Variants in DNAAF1 observed in about 807,000 individuals in gnomAD.
DNAAF1 encodes dynein axonemal assembly factor 1.
Under a neutral mutation model 71.1 loss-of-function variants are expected in DNAAF1, and 65 were observed. The observed-to-expected ratio is 0.91, with a 90% CI of 0.75 to 1.12. DNAAF1 has a LOEUF of 1.12. DNAAF1 is among the 50% of genes most tolerant of loss of function. The probability of loss-of-function intolerance (pLI) is 0.00; values close to 1 mark genes in which losing one functional copy is unlikely to be tolerated. For synonymous variants in DNAAF1, 414 were observed against 354.6 expected (o/e 1.17, Z -1.88); for missense variants, 1,178 against 899.8 (o/e 1.31, Z -3.96).
chr16:84,164,835 C>G (rs566508845), intron 6 of DNAAF1, among the ~76,000 whole-genome samples: 2 of 152,170 alleles, frequency 1.3e-5, no homozygotes, highest in Non-Finnish European at 2.9e-5. Flanking sequence ...CCGTAAGAAT[C>G]CGCCACACCA....
At chr16:84,167,013 A>C (rs1008907068) in intron 7 of DNAAF1, among the ~76,000 whole-genome samples, 4 of 152,050 alleles carry the variant, frequency 2.6e-5, no homozygotes, top group Non-Finnish European at 5.9e-5. Context: ...AGTGATGGGC[A>C]ATGGTCTCGC....
chr16:84,148,596 C>CTCTCTTTTT, intron 1 of DNAAF1, among the ~76,000 whole-genome samples: 1 of 43,578 alleles, frequency 2.3e-5, no homozygotes, highest in African/African-American at 9.2e-5. Flanking sequence ...CTCTCTCTCT[C>CTCTCTTTTT]TTTTTTTTTT....
chr16:84,174,550 G>C, intron 9 of DNAAF1, 119 bp from the exon 10 acceptor site: 4 of 1,589,342 alleles, frequency 2.5e-6, no homozygotes, highest in Non-Finnish European at 3.4e-6. Context: ...AGTCACCTGA[G>C]TGATTTGAGT....
chr16:84,173,583 C>T (rs2088494668), intron 9 of DNAAF1: 1 of 978,300 alleles, frequency 1.0e-6, no homozygotes, highest in African/African-American at 1.8e-5. Context: ...CCTGTAATCC[C>T]AGCACTTTGG....
chr16:84,170,497 T>C (rs2088273386), intron 8 of DNAAF1, 141 bp downstream of exon 8: 5 of 1,368,442 alleles, frequency 3.7e-6, no homozygotes, highest in African/African-American at 2.9e-5. Flanking sequence ...ACACTAGTTA[T>C]CTTGTTTTCT....
intron 3 of DNAAF1, among the ~76,000 whole-genome samples, chr16:84,153,556 C>T (rs1247049394): frequency 2.0e-5 from 3 of 152,174 alleles, no homozygotes; most frequent in East Asian, 1.9e-4. Flanking sequence ...AAAATGAAAA[C>T]GGATTATCTG....
In DNAAF1 at chr16:84,170,364, G is replaced by A; in HGVS notation, c.1528+8G>A. The A allele has an allele frequency of 1.2e-6, 2 of 1,613,616 alleles. No homozygotes were observed. Among genetic ancestry groups the A allele is most frequent in the African/African-American group, 2.7e-5 (2 of 75,060 alleles). ...TGGGAGCTGCCAGGGAAGGTAATGT[G>A]AGCGGAGAAACACACACAGACACAC... On this transcript the variant is annotated splice_region_variant and intron_variant, in intron 8 of 11. Transcript: ENST00000378553.
chr16:84,162,768 A>C (rs555730890), intron 6 of DNAAF1, among the ~76,000 whole-genome samples: 1 of 152,048 alleles, frequency 6.6e-6, no homozygotes, highest in Non-Finnish European at 1.5e-5. Context: ...GTAGTGAGCC[A>C]AGATCACGCC....
chr16:84,168,404 C>T (rs544992081), intron 7 of DNAAF1, among the ~76,000 whole-genome samples: 1 of 152,294 alleles, frequency 6.6e-6, no homozygotes, highest in South Asian at 2.1e-4. Context: ...GTAACGTATT[C>T]ATATTCTGAC....
chr16:84,173,163 A>G (rs2088456411), intron 9 of DNAAF1: 17 of 985,948 alleles, frequency 1.7e-5, no homozygotes, highest in Admixed American at 6.1e-5. Context: ...CACATGGCCC[A>G]GTAGGAGTTA....
Position 84,145,872 on chromosome 16 carries a change from T to A in DNAAF1, c.124+308T>A, listed in dbSNP as rs903019693. ...ACTTTGGGAGGCCGAGGCGGGCGGA[T>A]CATCAGGTCAGTCAGGAGTTCGAGA... is the stretch of plus-strand genomic sequence containing the variant. On this transcript the variant is annotated intron_variant, in intron 1 of 11. Coordinates refer to ENST00000378553, the MANE Select transcript of DNAAF1 (RefSeq NM_178452.6). 3.3e-5 allele frequency among the ~76,000 whole-genome samples: 5 copies of A among 151,970 alleles called. 1 individual carries two copies. The highest frequency in any genetic ancestry group is 7.4e-5 in the Non-Finnish European group (5 of 67,968).
intron 5 of DNAAF1, chr16:84,159,215 A>AGCGG: frequency 9.6e-7 from 1 of 1,036,696 alleles, no homozygotes; most frequent in Non-Finnish European, 1.2e-6. Flanking sequence ...AGCAGAGGTA[A>AGCGG]GCGGGCACTC....
intron 11 of DNAAF1, 164 bp downstream of exon 11, chr16:84,176,463 A>C: frequency 4.4e-6 from 5 of 1,143,742 alleles, no homozygotes; most frequent in South Asian, 1.4e-5. Context: ...TCCTGAGTTC[A>C]CGGGTCTGAA....
At chr16:84,174,859 C>CT (rs2088569465) in intron 10 of DNAAF1, 137 bp downstream of exon 10, 25 of 1,125,758 alleles carry the variant, frequency 2.2e-5, no homozygotes, top group African/African-American at 3.1e-5. Flanking sequence ...TATTCTTTTT[C>CT]TTTTCTTTTC....
At position 84,176,184 on chromosome 16, in the gene DNAAF1, C is replaced by T. The variant is rs2088643305; in HGVS notation, c.1950C>T (p.Leu650=). The T allele has an allele frequency of 1.2e-6, 2 of 1,613,902 alleles. No individual in the cohort carries two copies. The highest frequency in any genetic ancestry group is 1.7e-5 in the Admixed American group (1 of 60,004). Residue 650 remains leucine, a synonymous_variant, in exon 11 of 12, where the codon CTC becomes CTT. Coordinates refer to ENST00000378553, the MANE Select transcript of DNAAF1 (RefSeq NM_178452.6). The part of the protein sequence containing the change: ...TKSPRPLIQE[L]SDEDPSGQLL... ...CCCCAAGACCCCTGATCCAGGAGCTCAGCGACGAGGACCCCTCTGGCCAGC... is the reference window on the plus strand; with the variant it reads ...CCCCAAGACCCCTGATCCAGGAGCTTAGCGACGAGGACCCCTCTGGCCAGC...
intron 10 of DNAAF1, chr16:84,175,250 G>C (rs970900938): frequency 9.5e-6 from 2 of 210,410 alleles, no homozygotes; most frequent in South Asian, 1.6e-4. Flanking sequence ...AAAATCTATT[G>C]CTGGTTTGTA....
chr16:84,177,649 G>C, intron 11 of DNAAF1, 80 bp from the exon 12 acceptor site: 1 of 1,259,410 alleles, frequency 7.9e-7, no homozygotes, highest in South Asian at 1.2e-5. Context: ...AATTTGGCCT[G>C]GACTGAACCC....
intron 8 of DNAAF1, among the ~76,000 whole-genome samples, chr16:84,171,842 T>C (rs115531223): frequency 0.052 from 7,960 of 151,766 alleles, 298 homozygotes; most frequent in Middle Eastern, 0.12. Context: ...GTGTTTGTCA[T>C]GGAGGCTGGC....
intron 11 of DNAAF1, 33 bp from the exon 12 acceptor site, chr16:84,177,694 CAG>C (rs777146283): frequency 2.1e-5 from 33 of 1,573,392 alleles, no homozygotes; most frequent in Non-Finnish European, 2.9e-5. Flanking sequence ...GTCACAGTGA[CAG>C]GGAGAAAGCA....
Sources: gnomAD v4.1 joint callset for allele counts (sites outside exome capture counted in the v4.1 genomes callset) on GRCh38, gnomAD v4.1.1 for gene constraint, MANE v1.5 for transcripts, NCBI Gene and HGNC (gene_info 2026-07-23, HGNC 2026-07-21) for gene names.